The following SNRPF variants were observed in gnomAD, a reference collection of about 807,000 sequenced individuals.
SNRPF encodes small nuclear ribonucleoprotein polypeptide F, also known as small nuclear ribonucleoprotein F.
SNRPF carries 1 observed loss-of-function variant against 13.4 expected under a neutral mutation model. The observed-to-expected ratio is 0.07, with a 90% CI of 0.03 to 0.35. SNRPF has a LOEUF of 0.35. Ranked by LOEUF, SNRPF falls within the 10% of genes least tolerant of loss-of-function variation. The pLI, the probability that SNRPF is intolerant of heterozygous loss-of-function variation, is 0.99. For missense variants in SNRPF, 53 were observed against 101.0 expected, an observed-to-expected ratio of 0.52 and a Z score of 2.04; for synonymous variants, 27 against 32.1, an observed-to-expected ratio of 0.84 and a Z score of 0.54.
intron 1 of SNRPF, among the ~76,000 whole-genome samples, chr12:95,860,199 A>C (rs923422713): frequency 6.6e-6 from 1 of 152,216 alleles, no homozygotes; most frequent in African/African-American, 2.4e-5. Flanking sequence ...TAGCTTCCCC[A>C]GTTAAATACT....
intron 2 of SNRPF, among the ~76,000 whole-genome samples, chr12:95,863,635 G>A (rs912742722): frequency 7.2e-5 from 11 of 152,328 alleles, no homozygotes; most frequent in African/African-American, 2.2e-4. Flanking sequence ...ATGGTTTAGT[G>A]GTGGGAGGTG....
Position 95,858,989 on chromosome 12 carries a change from G to GACCTGCGGT in SNRPF, c.-78_-70dup, listed in dbSNP as rs950087858. Reference sequence around the variant, plus strand: ...CATTTCTCTTGAAACTGCGGCTCGGGACCTGCGGTACCTGCTGTAGTCACG... The same window carrying GACCTGCGGT: ...CATTTCTCTTGAAACTGCGGCTCGGGACCTGCGGTACCTGCGGTACCTGCTGTAGTCACG... On this transcript the variant is annotated 5_prime_UTR_variant, in exon 1 of 4. Transcript: ENST00000266735. 1.9e-6 allele frequency: 3 copies of GACCTGCGGT among 1,592,222 alleles called. No homozygotes were observed. Among genetic ancestry groups the GACCTGCGGT allele is most frequent in the Middle Eastern group, 1.7e-4 (1 of 6,044 alleles).
chr12:95,864,029 T>C (rs2079509479), intron 2 of SNRPF, among the ~76,000 whole-genome samples: 1 of 152,236 alleles, frequency 6.6e-6, no homozygotes, highest in Non-Finnish European at 1.5e-5. Flanking sequence ...TGTAATTACT[T>C]TTTACAAAAA....
At chr12:95,865,267 G>T in intron 2 of SNRPF, 57 bp from the exon 3 acceptor site, 2 of 826,802 alleles carry the variant, frequency 2.4e-6, no homozygotes, top group Non-Finnish European at 2.1e-6. Flanking sequence ...AATATTAGCT[G>T]TATTGTAATA....
intron 1 of SNRPF, among the ~76,000 whole-genome samples, chr12:95,860,795 C>T (rs181615264): frequency 6.6e-5 from 10 of 150,994 alleles, no homozygotes; most frequent in Non-Finnish European, 1.2e-4. Flanking sequence ...AGTGATCCCC[C>T]GGCCTTGGCC....
chr12:95,859,362 G>T (rs1345622555), intron 1 of SNRPF, among the ~76,000 whole-genome samples: 2 of 152,164 alleles, frequency 1.3e-5, no homozygotes, highest in African/African-American at 4.8e-5. Context: ...AAGAGAATTT[G>T]CACTTCCCAC....
At chr12:95,860,971 A>G (rs550806759) in intron 1 of SNRPF, among the ~76,000 whole-genome samples, 197 bp from the exon 2 acceptor site, 30 of 150,154 alleles carry the variant, frequency 2.0e-4, no homozygotes, top group African/African-American at 7.3e-4. Flanking sequence ...TTGATGGGTT[A>G]AAGGTGAAAT....
intron 1 of SNRPF, among the ~76,000 whole-genome samples, chr12:95,860,387 C>G (rs899119388): frequency 3.9e-5 from 6 of 152,162 alleles, no homozygotes; most frequent in Admixed American, 6.5e-5. Context: ...AAACTCTTAT[C>G]CTTTAAAACT....
rs1257018209 is a variant in SNRPF at position 95,858,953 on chromosome 12, T to C, written c.-121T>C. 2.8e-6 allele frequency: 4 copies of C among 1,419,582 alleles called. No individual in the cohort carries two copies. Among genetic ancestry groups the C allele is most frequent in the African/African-American group, 2.8e-5 (2 of 71,150 alleles). 87.9% of individuals were successfully genotyped at this position (1,419,582 alleles called of 1,614,324 possible). ...GGTGGGAGGTGAAAGGTCATAGTCC[T>C]GTTTGGCGGCCATTTCTCTTGAAAC... is the stretch of plus-strand genomic sequence containing the variant. On this transcript the variant is annotated 5_prime_UTR_variant, in exon 1 of 4. Transcript: ENST00000266735.
intron 1 of SNRPF, 117 bp downstream of exon 1, chr12:95,859,193 A>C: frequency 1.1e-6 from 1 of 893,338 alleles, no homozygotes. Context: ...GGCGCCGCGC[A>C]CCCTGTCGCC....
In SNRPF at chr12:95,865,345, A is replaced by G. The variant is rs976401102; in HGVS notation, c.151A>G (p.Ile51Val). 4 of 1,563,214 alleles carry G rather than the reference A, an allele frequency of 2.6e-6. No homozygotes were observed. Among genetic ancestry groups the G allele is most frequent in the South Asian group, 1.1e-5 (1 of 89,356 alleles). ...NMQLANTEEY[I>V]DGALSGHLGE... Reference sequence around the variant, plus strand: ...AAAGCTTGCAAATACAGAAGAATACATAGATGGAGCTTTGTCTGGACATCT... The same window carrying G: ...AAAGCTTGCAAATACAGAAGAATACGTAGATGGAGCTTTGTCTGGACATCT... The change falls in exon 3 of 4, where the codon ATA becomes GTA. Residue 51 changes from isoleucine (I) to valine (V), a missense_variant. Ile to Val is a conservative substitution (Grantham distance 29). Transcript: ENST00000266735.
intron 3 of SNRPF, among the ~76,000 whole-genome samples, chr12:95,865,767 C>T (rs539241546): frequency 6.6e-6 from 1 of 151,914 alleles, no homozygotes; most frequent in African/African-American, 2.4e-5. Flanking sequence ...GTAATTATTT[C>T]CTTTGGAAAA....
intron 1 of SNRPF, among the ~76,000 whole-genome samples, chr12:95,859,955 C>T (rs182430187): frequency 3.4e-4 from 51 of 152,178 alleles, no homozygotes; most frequent in African/African-American, 1.1e-3. Flanking sequence ...AAACTGGAGA[C>T]CCATTAGGTT....
chr12:95,863,482 GTAAC>G (rs896904212), intron 2 of SNRPF, among the ~76,000 whole-genome samples: 5 of 152,198 alleles, frequency 3.3e-5, no homozygotes, highest in African/African-American at 1.2e-4. Context: ...AAATGTCTGA[GTAAC>G]CAACCACTTT....
At position 95,861,039 on chromosome 12, in the gene SNRPF, T is replaced by C; in HGVS notation, c.4-129T>C. ...TCTCAACAAATAAAAGTGAAAATTA[T>C]GTACTAAAATAATAAGGAGTCAAAA... On this transcript the variant is annotated intron_variant, in intron 1 of 3. Transcript: ENST00000266735. The C allele has an allele frequency of 4.3e-6, 3 of 694,922 alleles. No individual in the cohort carries two copies. In the East Asian group the frequency reaches 1.0e-4, roughly 24 times the overall value. The allele number at this position is 694,922 out of a possible 1,614,324, so 43.0% of individuals were successfully genotyped here.
At chr12:95,859,720 A>G (rs1329804683) in intron 1 of SNRPF, among the ~76,000 whole-genome samples, 4 of 152,218 alleles carry the variant, frequency 2.6e-5, no homozygotes, top group African/African-American at 9.6e-5. Context: ...AGAAATTGAC[A>G]GAAAGGTATA....
chr12:95,861,365 C>G, intron 2 of SNRPF, 72 bp downstream of exon 2: 1 of 1,400,356 alleles, frequency 7.1e-7, no homozygotes, highest in South Asian at 1.2e-5. Flanking sequence ...AAGGTTTAGT[C>G]TGACTAATAA....
intron 1 of SNRPF, among the ~76,000 whole-genome samples, chr12:95,860,951 G>A (rs2121391021): frequency 6.7e-6 from 1 of 149,220 alleles, no homozygotes; most frequent in South Asian, 2.1e-4. Context: ...TGAATAGTCA[G>A]TGTTTTGTTT....
chr12:95,865,470 T>A (rs1461211607), intron 3 of SNRPF, 82 bp downstream of exon 3: 2 of 615,250 alleles, frequency 3.3e-6, no homozygotes, highest in African/African-American at 3.7e-5. Context: ...TGCCTCAATT[T>A]TGGAATTACT....
Sources: allele counts gnomAD v4.1 joint callset (sites outside exome capture counted in the v4.1 genomes callset), GRCh38; gene constraint gnomAD v4.1.1; transcripts MANE v1.5; gene names NCBI Gene and HGNC (gene_info 2026-07-23, HGNC 2026-07-21).